Variants in KIAA1549L observed in about 807,000 individuals in gnomAD.
KIAA1549L encodes the protein UPF0606 protein KIAA1549L.
In KIAA1549L, 88 loss-of-function variants were observed where a neutral mutation model predicts 160.7. The observed-to-expected ratio is 0.55, with a 90% CI of 0.46 to 0.65. The LOEUF is 0.65. KIAA1549L is among the 30% of genes least tolerant of loss of function. The pLI is 0.00. For missense variants in KIAA1549L, 2,258 were observed against 2,437.5 expected, an observed-to-expected ratio of 0.93 and a Z score of 1.55; for synonymous variants, 950 against 976.7, an observed-to-expected ratio of 0.97 and a Z score of 0.51.
chr11:33,583,426 C>T lies in KIAA1549L; in HGVS notation c.4491C>T (p.Ile1497=). The part of the protein sequence containing the change: ...IAVVTVIIII[I]TAVLCRKNKN... ...TGGTCACGGTCATCATCATCATCAT[C>T]ACTGCCGTGCTCTGCAGGAAGAACA... Residue 1497 remains isoleucine, a synonymous_variant, in exon 11 of 21, where the codon ATC becomes ATT. Coordinates refer to ENST00000658780, the MANE Select transcript of KIAA1549L (RefSeq NM_012194.3). 6.3e-7 allele frequency: 1 copy of T among 1,595,168 alleles called. No individual in the cohort carries two copies. Among genetic ancestry groups the T allele is most frequent in the Non-Finnish European group, 8.5e-7 (1 of 1,170,958 alleles).
chr11:33,589,781 G>A (rs1243599286), intron 11 of KIAA1549L, among the ~76,000 whole-genome samples: 1 of 151,852 alleles, frequency 6.6e-6, no homozygotes, highest in Non-Finnish European at 1.5e-5. Context: ...GAGGTGGGAG[G>A]GATAGCATTA....
At chr11:33,634,136 G>A (rs1467507259) in intron 16 of KIAA1549L, among the ~76,000 whole-genome samples, 2 of 151,910 alleles carry the variant, frequency 1.3e-5, no homozygotes, top group Non-Finnish European at 2.9e-5. Flanking sequence ...TCTGCCTCCC[G>A]GGTTCAAGCA....
chr11:33,640,162 T>A (rs1851547072), intron 16 of KIAA1549L, among the ~76,000 whole-genome samples: 1 of 152,274 alleles, frequency 6.6e-6, no homozygotes, highest in East Asian at 1.9e-4. Flanking sequence ...TGCCTACATA[T>A]ATATGTATAT....
At chr11:33,395,554 T>C (rs1850357177) in intron 1 of KIAA1549L, among the ~76,000 whole-genome samples, 1 of 152,214 alleles carries the variant, frequency 6.6e-6, no homozygotes, top group South Asian at 2.1e-4. Context: ...TAACATATTT[T>C]AGAAGGAAGG....
At chr11:33,457,552 A>G (rs1464747783) in intron 1 of KIAA1549L, among the ~76,000 whole-genome samples, 1 of 152,192 alleles carries the variant, frequency 6.6e-6, no homozygotes, top group Admixed American at 6.5e-5. Context: ...ATTTCAGTCA[A>G]TGTGGCCACG....
At chr11:33,430,473 C>G (rs1471864791) in intron 1 of KIAA1549L, among the ~76,000 whole-genome samples, 2 of 152,126 alleles carry the variant, frequency 1.3e-5, no homozygotes, top group African/African-American at 4.8e-5. Context: ...CTGAGGCTAT[C>G]CTTTGATAAC....
At chr11:33,505,776 C>T (rs145174601) in intron 1 of KIAA1549L, among the ~76,000 whole-genome samples, 1 of 152,206 alleles carries the variant, frequency 6.6e-6, no homozygotes, top group African/African-American at 2.4e-5. Context: ...GCTACAGTTC[C>T]CAGTTTGCTT....
intron 1 of KIAA1549L, among the ~76,000 whole-genome samples, chr11:33,418,574 TAACA>T (rs1850933774): frequency 6.6e-6 from 1 of 152,208 alleles, no homozygotes; most frequent in Admixed American, 6.5e-5. Flanking sequence ...CCTCGCCTCG[TAACA>T]AACAAGTTTC....
chr11:33,377,364 AAGG>A, intron 1 of KIAA1549L, among the ~76,000 whole-genome samples: 1 of 152,188 alleles, frequency 6.6e-6, no homozygotes, highest in Non-Finnish European at 1.5e-5. Flanking sequence ...TTCTTTTGGG[AAGG>A]AGGTCTCTCC....
At chr11:33,520,055 C>G (rs1011110536) in intron 1 of KIAA1549L, among the ~76,000 whole-genome samples, 15 of 151,708 alleles carry the variant, frequency 9.9e-5, no homozygotes, top group African/African-American at 3.6e-4. Context: ...ATGAAACCAT[C>G]AAACCATCAT....
intron 16 of KIAA1549L, among the ~76,000 whole-genome samples, 195 bp from the exon 17 acceptor site, chr11:33,645,489 CAG>C (rs905586440): frequency 1.3e-5 from 2 of 152,160 alleles, no homozygotes; most frequent in African/African-American, 4.8e-5. Flanking sequence ...CACCGATAGC[CAG>C]AGTGTGGCCT....
intron 1 of KIAA1549L, among the ~76,000 whole-genome samples, chr11:33,444,949 T>C (rs576547174): frequency 6.6e-6 from 1 of 152,332 alleles, no homozygotes; most frequent in South Asian, 2.1e-4. Context: ...TCTGGAGGCA[T>C]GTTCCTCACA....
intron 11 of KIAA1549L, among the ~76,000 whole-genome samples, chr11:33,584,613 G>A (rs994982958): frequency 2.6e-5 from 4 of 152,192 alleles, no homozygotes; most frequent in East Asian, 3.8e-4. Flanking sequence ...TGGGCTCCTC[G>A]AGGACTATCA....
In KIAA1549L at chr11:33,542,439, C is replaced by T. The variant is rs774709940; in HGVS notation, c.876C>T (p.Ile292=). Reference sequence around the variant, plus strand: ...GTCAGAACATAGCTAATCCCTTAATCCCATTTTCTGATGAAATGGACCACA... The same window carrying T: ...GTCAGAACATAGCTAATCCCTTAATTCCATTTTCTGATGAAATGGACCACA... ...SLGQNIANPL[I]PFSDEMDHTA... Residue 292 remains isoleucine (I), a synonymous_variant, in exon 2 of 21, where the codon ATC becomes ATT. Coordinates refer to ENST00000658780, the MANE Select transcript of KIAA1549L (RefSeq NM_012194.3). 6.3e-7 allele frequency: 1 copy of T among 1,597,348 alleles called. No individual in the cohort carries two copies. Among genetic ancestry groups the T allele is most frequent in the African/African-American group, 1.3e-5 (1 of 74,616 alleles).
intron 1 of KIAA1549L, among the ~76,000 whole-genome samples, chr11:33,518,449 A>G (rs1853406759): frequency 6.6e-6 from 1 of 152,186 alleles, no homozygotes; most frequent in South Asian, 2.1e-4. Context: ...ACTATACATT[A>G]ACTTTCTCTT....
At chr11:33,435,796 A>ATATATATGTGTGTGTGTG (rs1851352931) in intron 1 of KIAA1549L, among the ~76,000 whole-genome samples, 1 of 34,662 alleles carries the variant, frequency 2.9e-5, no homozygotes, top group Non-Finnish European at 4.8e-5. Context: ...ATATATATAT[A>ATATATATGTGTGTGTGTG]TATATATATA....
At chr11:33,503,897 C>T (rs1853013570) in intron 1 of KIAA1549L, among the ~76,000 whole-genome samples, 1 of 152,244 alleles carries the variant, frequency 6.6e-6, no homozygotes, top group Non-Finnish European at 1.5e-5. Flanking sequence ...AGGGTAGCCC[C>T]ACTTTCATTA....
At chr11:33,642,828 G>T (rs1187341783) in intron 16 of KIAA1549L, among the ~76,000 whole-genome samples, 3 of 152,176 alleles carry the variant, frequency 2.0e-5, no homozygotes, top group Admixed American at 6.6e-5. Context: ...TCTTTGAAAA[G>T]AAATTTAGAA....
At chr11:33,454,519 C>A (rs1488586981) in intron 1 of KIAA1549L, among the ~76,000 whole-genome samples, 1 of 152,046 alleles carries the variant, frequency 6.6e-6, no homozygotes, top group African/African-American at 2.4e-5. Context: ...GGCTTCATTG[C>A]ATTAAGGGGC....
Sources: gnomAD v4.1 joint callset for allele counts (sites outside exome capture counted in the v4.1 genomes callset) on GRCh38, gnomAD v4.1.1 for gene constraint, MANE v1.5 for transcripts, NCBI Gene and HGNC (gene_info 2026-07-23, HGNC 2026-07-21) for gene names.